ZMYND8: variants seen among roughly 807,000 people sequenced by gnomAD.
ZMYND8 encodes zinc finger MYND-type containing 8, also known as MYND-type zinc finger-containing chromatin reader ZMYND8.
ZMYND8 carries 37 observed loss-of-function variants against 140.8 expected under a neutral mutation model. The observed-to-expected ratio is 0.26, with a 90% CI of 0.20 to 0.35. The LOEUF (loss-of-function observed/expected upper bound fraction) is 0.35. ZMYND8 is among the 10% of genes least tolerant of loss of function. ZMYND8 has a pLI of 1.00. For synonymous variants in ZMYND8, 592 were observed against 597.1 expected, an observed-to-expected ratio of 0.99 and a Z score of 0.12; for missense variants, 1,068 against 1,570.0, an observed-to-expected ratio of 0.68 and a Z score of 5.40.
Position 47,209,735 on chromosome 20 carries a change from T to A in ZMYND8, c.*1026A>T, listed in dbSNP as rs188657756. 1 of 152,802 alleles carries A rather than the reference T, an allele frequency of 6.5e-6. No individual in the cohort carries two copies. Among genetic ancestry groups the A allele is most frequent in the East Asian group, 1.9e-4 (1 of 5,192 alleles). 9.5% of individuals were successfully genotyped at this position (152,802 alleles called of 1,614,324 possible). On this transcript the variant is annotated 3_prime_UTR_variant, in exon 23 of 23. Transcript: ENST00000471951. ...CAAAATGGCTCTACAGCATACGTAGTGTACGGACAGCATGACGGGCCTTGC... is the reference window on the plus strand; with the variant it reads ...CAAAATGGCTCTACAGCATACGTAGAGTACGGACAGCATGACGGGCCTTGC...
At chr20:47,340,105 G>C (rs748538564) in intron 2 of ZMYND8, among the ~76,000 whole-genome samples, 1 of 151,998 alleles carries the variant, frequency 6.6e-6, no homozygotes, top group Non-Finnish European at 1.5e-5. Context: ...ACCACACCCA[G>C]CTAATTTTCT....
At chr20:47,301,311 C>T (rs974398097) in intron 3 of ZMYND8, among the ~76,000 whole-genome samples, 11 of 151,836 alleles carry the variant, frequency 7.2e-5, no homozygotes, top group Admixed American at 5.9e-4. Flanking sequence ...CCCACCACCA[C>T]GCCCAGGTAA....
In ZMYND8 at chr20:47,210,712, T is replaced by G; in HGVS notation, c.*49A>C. ...TTTGTTGTTTCTTCTTTTCCTGGCGTCTGGGTTTTTCTCCCAATGGGGTGG... is the reference window on the plus strand; with the variant it reads ...TTTGTTGTTTCTTCTTTTCCTGGCGGCTGGGTTTTTCTCCCAATGGGGTGG... On this transcript the variant is annotated 3_prime_UTR_variant, in exon 23 of 23. Coordinates refer to ENST00000471951, the MANE Select transcript of ZMYND8 (RefSeq NM_001281775.3). The G allele has an allele frequency of 6.2e-7, 1 of 1,613,892 alleles. No homozygotes were observed. The highest frequency in any genetic ancestry group is 8.5e-7 in the Non-Finnish European group (1 of 1,179,886).
intron 1 of ZMYND8, among the ~76,000 whole-genome samples, chr20:47,354,828 C>A (rs1407572301): frequency 6.6e-6 from 1 of 152,176 alleles, no homozygotes. Context: ...CACTTAACTT[C>A]TAGCTGCAGC....
At chr20:47,349,960 G>A (rs2082637582) in intron 1 of ZMYND8, 2 of 1,533,242 alleles carry the variant, frequency 1.3e-6, no homozygotes, top group Non-Finnish European at 1.7e-6. Flanking sequence ...ACAGCCTAGA[G>A]GAGCTGAATA....
chr20:47,224,180 A>T lies in ZMYND8; in HGVS notation c.3256+137T>A. ...CACTGCTCACCTGTGTGTAAGACAC[A>T]ATTGTTTTTGAGTGAAAGTGTCCAG... On this transcript the variant is annotated intron_variant, in intron 19 of 22. Transcript: ENST00000471951. The T allele has an allele frequency of 2.1e-6, 3 of 1,414,028 alleles. No individual in the cohort carries two copies. The East Asian group carries it at 6.9e-5, about 33-fold the overall frequency. The allele number at this position is 1,414,028 out of a possible 1,614,324, so 87.6% of individuals were successfully genotyped here. A position where few individuals can be genotyped will look rare whatever the true frequency, so the allele number is the denominator to read the frequency against.
intron 2 of ZMYND8, among the ~76,000 whole-genome samples, chr20:47,323,673 C>T (rs2080156083): frequency 6.6e-6 from 1 of 152,130 alleles, no homozygotes; most frequent in African/African-American, 2.4e-5. Flanking sequence ...CTCCAGGGCT[C>T]AGAACTTCCT....
chr20:47,319,904 T>C (rs927725198), intron 2 of ZMYND8: 1 of 119,522 alleles, frequency 8.4e-6, no homozygotes, highest in East Asian at 3.0e-4. Context: ...CCCTCCAACA[T>C]GTGTACATGA....
intron 12 of ZMYND8, among the ~76,000 whole-genome samples, chr20:47,252,677 T>C (rs947660978): frequency 1.1e-4 from 17 of 152,252 alleles, no homozygotes; most frequent in Admixed American, 9.1e-4. Context: ...ATCCCTGCAA[T>C]TGGGAGGCTG....
intron 3 of ZMYND8, among the ~76,000 whole-genome samples, chr20:47,300,072 G>A (rs1311339998): frequency 6.6e-6 from 1 of 152,070 alleles, no homozygotes; most frequent in African/African-American, 2.4e-5. Flanking sequence ...CCTCTTCCTG[G>A]TATATTATGG....
chr20:47,285,963 G>A, intron 8 of ZMYND8: 2 of 472,486 alleles, frequency 4.2e-6, no homozygotes, highest in Non-Finnish European at 5.5e-6. Context: ...GGCTGAGGCA[G>A]AAGGATCGCC....
chr20:47,262,494 T>A, intron 11 of ZMYND8, 66 bp from the exon 12 acceptor site: 1 of 1,591,662 alleles, frequency 6.3e-7, no homozygotes. Context: ...GTAGGTGTGG[T>A]GTAGGGAGAG....
intron 6 of ZMYND8, among the ~76,000 whole-genome samples, chr20:47,291,234 T>C (rs1429598235): frequency 2.0e-5 from 3 of 152,196 alleles, no homozygotes; most frequent in Non-Finnish European, 4.4e-5. Flanking sequence ...TCACTGCCCA[T>C]ATTTTGCTGC....
chr20:47,218,030 A>T (rs1328074572), intron 21 of ZMYND8, among the ~76,000 whole-genome samples: 3 of 152,186 alleles, frequency 2.0e-5, no homozygotes, highest in Non-Finnish European at 4.4e-5. Flanking sequence ...ACGTTTGTTT[A>T]CATATTATCT....
intron 1 of ZMYND8, chr20:47,352,434 G>A: frequency 1.0e-6 from 1 of 983,304 alleles, no homozygotes; most frequent in Non-Finnish European, 1.2e-6. Context: ...GTCTGCAGAG[G>A]AGAAACACAA....
intron 1 of ZMYND8, chr20:47,356,251 A>T (rs1421736807): frequency 1.0e-6 from 1 of 958,476 alleles, no homozygotes; most frequent in Non-Finnish European, 1.4e-6. Flanking sequence ...GCATGTGGCA[A>T]AAGAGAAGAC....
In ZMYND8 at chr20:47,246,446, C is replaced by T. The variant is rs2040569970; in HGVS notation, c.1846G>A (p.Asp616Asn). The T allele has an allele frequency of 6.2e-7, 1 of 1,613,974 alleles. No individual in the cohort carries two copies. Among genetic ancestry groups the T allele is most frequent in the Non-Finnish European group, 8.5e-7 (1 of 1,180,034 alleles). ...HSDSEDSEKS[D>N]SSDSEYISDD... Reference sequence around the variant, plus strand: ...CTGATATACTCACTATCGCTACTATCTGACTTCTCAGAATCCTCCGAATCG... The same window carrying T: ...CTGATATACTCACTATCGCTACTATTTGACTTCTCAGAATCCTCCGAATCG... The change falls in exon 14 of 23, where the codon GAT (aspartate) becomes AAT (asparagine). Residue 616 changes from aspartate (D) to asparagine (N), a missense_variant. By Grantham distance (23) the Asp-to-Asn change is conservative (BLOSUM62 1). Coordinates refer to ENST00000471951, the MANE Select transcript of ZMYND8 (RefSeq NM_001281775.3).
At chr20:47,225,826 T>C (rs916858541) in intron 18 of ZMYND8, among the ~76,000 whole-genome samples, 25 of 151,874 alleles carry the variant, frequency 1.6e-4, no homozygotes, top group Non-Finnish European at 1.5e-5. Flanking sequence ...AAGGATTTTA[T>C]GAAAGTAAGA....
intron 21 of ZMYND8, among the ~76,000 whole-genome samples, chr20:47,218,915 A>ATGTT (rs2036514405): frequency 6.6e-6 from 1 of 152,064 alleles, no homozygotes; most frequent in Non-Finnish European, 1.5e-5. Context: ...GTGAAATGAA[A>ATGTT]TGTTTGCTTT....
Sources: gnomAD v4.1 joint callset for allele counts (sites outside exome capture counted in the v4.1 genomes callset) on GRCh38, gnomAD v4.1.1 for gene constraint, MANE v1.5 for transcripts, NCBI Gene and HGNC (gene_info 2026-07-23, HGNC 2026-07-21) for gene names.